Variants in KGD4 observed in about 807,000 individuals in gnomAD.
KGD4 encodes alpha-ketoglutarate dehydrogenase subunit 4, also known as alpha-ketoglutarate dehydrogenase component 4.
At chr5:69,218,244 A>T in the KGD4 span, 1 of 240,436 alleles carries the variant, frequency 4.2e-6, no homozygotes, top group African/African-American at 2.3e-5. Context: ...GGTGCCCCCG[A>T]TCAGCCAATC....
At chr5:69,221,926 G>A in the KGD4 span, among the ~76,000 whole-genome samples, 4 of 149,266 alleles carry the variant, frequency 2.7e-5, no homozygotes, top group East Asian at 7.8e-4. Flanking sequence ...CAGCACTTTG[G>A]GAGACCAAGG....
the KGD4 span, chr5:69,226,345 A>G: frequency 3.7e-6 from 6 of 1,605,522 alleles, no homozygotes; most frequent in East Asian, 1.3e-4. Context: ...TAGGTAGTCA[A>G]ACCACACACT....
At chr5:69,228,402 T>C in the KGD4 span, 1 of 1,587,014 alleles carries the variant, frequency 6.3e-7, no homozygotes. Flanking sequence ...GTCGTTGCTC[T>C]TTATCCCAAG....
At chr5:69,226,498 A>C in the KGD4 span, 1 of 854,360 alleles carries the variant, frequency 1.2e-6, no homozygotes, top group Non-Finnish European at 1.9e-6. Context: ...TTTTAAAATC[A>C]GTTAAGACTA....
the KGD4 span, among the ~76,000 whole-genome samples, chr5:69,227,117 TGCCTCC>T: frequency 6.6e-6 from 1 of 152,146 alleles, no homozygotes; most frequent in Admixed American, 6.5e-5. Context: ...GTGATCTGCC[TGCCTCC>T]GCCTCCCAAA....
chr5:69,224,829 C>T, the KGD4 span, among the ~76,000 whole-genome samples: 1 of 152,156 alleles, frequency 6.6e-6, no homozygotes, highest in Admixed American at 6.5e-5. Flanking sequence ...AATCCCAGCA[C>T]TTTAGGAGGC....
chr5:69,221,016 A>C, the KGD4 span, among the ~76,000 whole-genome samples: 1 of 152,096 alleles, frequency 6.6e-6, no homozygotes, highest in Non-Finnish European at 1.5e-5. Flanking sequence ...CCACTCCCTA[A>C]TCTCAAGTAC....
chr5:69,220,252 A>G, the KGD4 span, among the ~76,000 whole-genome samples: 1 of 151,688 alleles, frequency 6.6e-6, no homozygotes, highest in African/African-American at 2.4e-5. Flanking sequence ...AAAAACATAG[A>G]GCTTAGAATT....
At chr5:69,220,727 G>A in the KGD4 span, among the ~76,000 whole-genome samples, 3 of 151,934 alleles carry the variant, frequency 2.0e-5, no homozygotes, top group South Asian at 2.1e-4. Flanking sequence ...TGACGATGGC[G>A]GTTTTGTCGA....
the KGD4 span, chr5:69,218,154 A>T: frequency 1.7e-5 from 9 of 522,962 alleles, no homozygotes; most frequent in Non-Finnish European, 3.0e-5. Flanking sequence ...CTCCTCCGCC[A>T]GGACCTTGTT....
the KGD4 span, chr5:69,217,865 C>G: frequency 1.2e-6 from 2 of 1,614,004 alleles, no homozygotes; most frequent in Non-Finnish European, 1.7e-6. Context: ...CTAGTAGGGT[C>G]GTTCAGGTAA....
At chr5:69,226,430 T>C in the KGD4 span, 1 of 1,399,424 alleles carries the variant, frequency 7.1e-7, no homozygotes. Context: ...AAATTTCTTT[T>C]AAAATTGTGT....
At chr5:69,222,956 TTAG>T in the KGD4 span, among the ~76,000 whole-genome samples, 2 of 151,250 alleles carry the variant, frequency 1.3e-5, no homozygotes, top group African/African-American at 4.9e-5. Flanking sequence ...TTTTATTTTT[TTAG>T]TAGAGACAGG....
At chr5:69,228,326 A>C in the KGD4 span, 1 of 1,603,000 alleles carries the variant, frequency 6.2e-7, no homozygotes, top group Middle Eastern at 1.7e-4. Context: ...GAAATAATAA[A>C]AACATTACCT....
At chr5:69,228,898 C>G in the KGD4 span, among the ~76,000 whole-genome samples, 2 of 151,506 alleles carry the variant, frequency 1.3e-5, no homozygotes, top group Non-Finnish European at 2.9e-5. Context: ...ACCTGTAATC[C>G]CAGCTACTCG....
chr5:69,218,358 C>T, the KGD4 span, among the ~76,000 whole-genome samples: 1 of 152,262 alleles, frequency 6.6e-6, no homozygotes, highest in South Asian at 2.1e-4. Flanking sequence ...CCGCGTACTG[C>T]GTCCTCGCCG....
chr5:69,218,469 A>AGTGTGTGTGTGTGTGT, the KGD4 span, among the ~76,000 whole-genome samples: 4 of 52,036 alleles, frequency 7.7e-5, no homozygotes, highest in African/African-American at 4.9e-4. Flanking sequence ...TGTGTATATT[A>AGTGTGTGTGTGTGTGT]ATGTGTGTGT....
the KGD4 span, among the ~76,000 whole-genome samples, chr5:69,224,688 C>G: frequency 6.6e-6 from 1 of 151,702 alleles, no homozygotes; most frequent in Non-Finnish European, 1.5e-5. Context: ...TACCTAGGAG[C>G]AGGAGGCGGA....
At chr5:69,227,123 C>T in the KGD4 span, among the ~76,000 whole-genome samples, 3 of 151,940 alleles carry the variant, frequency 2.0e-5, no homozygotes, top group African/African-American at 4.8e-5. Context: ...TGCCTGCCTC[C>T]GCCTCCCAAA....
Sources: allele counts gnomAD v4.1 joint callset (sites outside exome capture counted in the v4.1 genomes callset), GRCh38; gene constraint gnomAD v4.1.1; transcripts MANE v1.5; gene names NCBI Gene and HGNC (gene_info 2026-07-23, HGNC 2026-07-21).